Variants in HSF5 observed in about 807,000 individuals in gnomAD.
The protein encoded by HSF5 is heat shock transcription factor 5.
HSF5 carries 5 observed loss-of-function variants against 50.8 expected under a neutral mutation model. That is an observed-to-expected ratio of 0.10 (90% CI 0.05 to 0.21). The LOEUF (loss-of-function observed/expected upper bound fraction) is 0.21, where lower values mean the gene tolerates loss of function less well. Ranked by LOEUF, HSF5 falls within the 10% of genes least tolerant of loss-of-function variation. The probability of loss-of-function intolerance (pLI) is 1.00; values close to 1 mark genes in which losing one functional copy is unlikely to be tolerated. For synonymous variants in HSF5, 307 were observed against 307.4 expected (o/e 1.00, Z 0.02); for missense variants, 564 against 762.6 (o/e 0.74, Z 3.07).
intron 5 of HSF5, among the ~76,000 whole-genome samples, chr17:58,441,260 A>G (rs1567907871): frequency 6.6e-6 from 1 of 152,228 alleles, no homozygotes. Context: ...ATCTGGGAAT[A>G]AATCTAAAAA....
At chr17:58,443,988 T>TAG (rs1407812436) in intron 5 of HSF5, among the ~76,000 whole-genome samples, 3 of 152,176 alleles carry the variant, frequency 2.0e-5, no homozygotes, top group African/African-American at 4.8e-5. Flanking sequence ...TCATTTACAA[T>TAG]AGCATCAAAG....
intron 2 of HSF5, among the ~76,000 whole-genome samples, chr17:58,468,217 G>A (rs1974896466): frequency 6.6e-6 from 1 of 152,078 alleles, no homozygotes; most frequent in Non-Finnish European, 1.5e-5. Flanking sequence ...AGGCAACACG[G>A]TGAAACCCCG....
chr17:58,462,450 T>A (rs953761407), intron 4 of HSF5, among the ~76,000 whole-genome samples: 4 of 152,214 alleles, frequency 2.6e-5, no homozygotes, highest in Non-Finnish European at 5.9e-5. Context: ...CAGCCAGGCA[T>A]ATCTAATCTA....
chr17:58,469,127 A>G (rs1021879065), intron 2 of HSF5, among the ~76,000 whole-genome samples: 6 of 150,628 alleles, frequency 4.0e-5, no homozygotes, highest in Admixed American at 4.0e-4. Context: ...TTTTTCCCCT[A>G]GAGTTATAGC....
Position 58,466,969 on chromosome 17 carries a change from C to A in HSF5, c.936G>T (p.Gln312His). ...CATCCATGTGGGTAGGAGAACAGCACTGTAGCACAGCTGGAACAAATTCAA... is the reference window on the plus strand; with the variant it reads ...CATCCATGTGGGTAGGAGAACAGCAATGTAGCACAGCTGGAACAAATTCAA... ...SQAYYPTAVLQCCSPTHMDAL... is the reference protein window; with the variant it reads ...SQAYYPTAVLHCCSPTHMDAL... Residue 312 changes from glutamine to histidine, a missense_variant, in exon 3 of 6, where the codon CAG (glutamine) becomes CAT (histidine). Gln to His is a conservative substitution (Grantham distance 24). Around this residue, in one of 5 missense-constraint regions of HSF5, gnomAD observed 441 missense variants for 533.6 expected, o/e 0.83. Coordinates refer to ENST00000323777, the MANE Select transcript of HSF5 (RefSeq NM_001080439.3). 6.2e-7 allele frequency: 1 copy of A among 1,608,116 alleles called. No homozygotes were observed. Among genetic ancestry groups the A allele is most frequent in the Non-Finnish European group, 8.5e-7 (1 of 1,174,676 alleles).
chr17:58,427,858 G>A (rs902114268), intron 5 of HSF5, among the ~76,000 whole-genome samples: 6 of 152,164 alleles, frequency 3.9e-5, no homozygotes, highest in Non-Finnish European at 8.8e-5. Context: ...TCTAATACAA[G>A]GTTGGCAAAG....
intron 5 of HSF5, among the ~76,000 whole-genome samples, chr17:58,430,227 C>G (rs1296581721): frequency 6.6e-6 from 1 of 152,114 alleles, no homozygotes; most frequent in Non-Finnish European, 1.5e-5. Flanking sequence ...GCACCCACCA[C>G]CACACCCGGC....
intron 2 of HSF5, among the ~76,000 whole-genome samples, chr17:58,470,937 T>C (rs74624058): frequency 5.9e-5 from 9 of 152,082 alleles, no homozygotes; most frequent in South Asian, 2.1e-4. Flanking sequence ...AAAAAAAAGA[T>C]GGTAAATTTA....
intron 5 of HSF5, among the ~76,000 whole-genome samples, chr17:58,429,646 A>C (rs527951474): frequency 6.6e-6 from 1 of 152,246 alleles, no homozygotes; most frequent in Admixed American, 6.5e-5. Context: ...CAGGAGTTTG[A>C]GACCAGCCTG....
intron 5 of HSF5, among the ~76,000 whole-genome samples, chr17:58,439,434 C>T (rs934479860): frequency 3.3e-5 from 5 of 151,830 alleles, no homozygotes; most frequent in Admixed American, 6.6e-5. Flanking sequence ...CAGCAAGTTC[C>T]CCCAAAAAGG....
chr17:58,480,337 A>C, intron 1 of HSF5, 70 bp from the exon 2 acceptor site: 1 of 1,447,948 alleles, frequency 6.9e-7, no homozygotes, highest in Non-Finnish European at 9.3e-7. Flanking sequence ...ACCAAAGGTC[A>C]TAAAATATGC....
chr17:58,460,176 C>A (rs1365684039), intron 4 of HSF5, among the ~76,000 whole-genome samples: 2 of 152,002 alleles, frequency 1.3e-5, no homozygotes, highest in Admixed American at 1.3e-4. Flanking sequence ...GCCACCACAC[C>A]AAGCTAATTT....
At chr17:58,457,996 A>G (rs764641883) in intron 5 of HSF5, among the ~76,000 whole-genome samples, 10 of 152,214 alleles carry the variant, frequency 6.6e-5, no homozygotes, top group Non-Finnish European at 1.3e-4. Flanking sequence ...TTCTCACAGA[A>G]GTTCTCAACA....
chr17:58,469,085 A>G (rs892058013), intron 2 of HSF5, among the ~76,000 whole-genome samples: 2 of 150,924 alleles, frequency 1.3e-5, no homozygotes, highest in African/African-American at 4.9e-5. Context: ...GAGCTTGCCA[A>G]AACTCGGGAA....
intron 5 of HSF5, among the ~76,000 whole-genome samples, chr17:58,424,670 C>T (rs925261448): frequency 1.3e-5 from 2 of 151,344 alleles, no homozygotes; most frequent in Admixed American, 1.3e-4. Flanking sequence ...CCTGTAGCCC[C>T]AGCTACTCAG....
At chr17:58,457,653 C>G (rs566580233) in intron 5 of HSF5, among the ~76,000 whole-genome samples, 1 of 152,306 alleles carries the variant, frequency 6.6e-6, no homozygotes, top group Admixed American at 6.5e-5. Context: ...GTTACTTACT[C>G]TAAGCCTAAA....
intron 1 of HSF5, among the ~76,000 whole-genome samples, chr17:58,486,309 G>C (rs546288153): frequency 1.1e-4 from 16 of 152,284 alleles, no homozygotes; most frequent in Admixed American, 2.6e-4. Context: ...AGGTTGTGGT[G>C]AGCCGAGATC....
At chr17:58,473,270 T>C (rs1002668445) in intron 2 of HSF5, among the ~76,000 whole-genome samples, 13 of 152,116 alleles carry the variant, frequency 8.5e-5, no homozygotes, top group Admixed American at 2.6e-4. Flanking sequence ...TATAAGTATG[T>C]GTTAATAAAA....
chr17:58,463,073 G>A lies in HSF5; in HGVS notation c.1251C>T (p.Asn417=), dbSNP rs1974815137. 3 of 1,614,206 alleles carry A rather than the reference G, an allele frequency of 1.9e-6. No homozygotes were observed. Among genetic ancestry groups the A allele is most frequent in the Non-Finnish European group, 2.5e-6 (3 of 1,180,034 alleles). ...RGQHILANSN[N]SNPCSASQAS... ...CCTGACTTGCAGAACATGGATTGCT[G>A]TTGTTAGAATTAGCTAAAATGTGTT... The change falls in exon 4 of 6, where the codon AAC becomes AAT. Residue 417 remains asparagine, a synonymous_variant. Transcript: ENST00000323777.
Sources: gnomAD v4.1 joint callset for allele counts (sites outside exome capture counted in the v4.1 genomes callset) on GRCh38, gnomAD v4.1.1 for gene constraint, gnomAD v4.1.1 regional missense constraint, MANE v1.5 for transcripts, NCBI Gene and HGNC (gene_info 2026-07-23, HGNC 2026-07-21) for gene names.